The following PLA2R1 variants were observed in gnomAD, a reference collection of about 807,000 sequenced individuals.
PLA2R1 encodes secretory phospholipase A2 receptor.
A neutral mutation model predicts 195.9 loss-of-function variants in PLA2R1; 158 were observed. That is an observed-to-expected ratio of 0.81 (90% CI 0.71 to 0.92). The LOEUF (loss-of-function observed/expected upper bound fraction) is 0.92. Ranked by LOEUF, PLA2R1 falls within the 40% of genes least tolerant of loss-of-function variation. The probability of loss-of-function intolerance (pLI) is 0.00; values close to 1 mark genes in which losing one functional copy is unlikely to be tolerated. For missense variants in PLA2R1, 1,626 were observed against 1,764.6 expected, an observed-to-expected ratio of 0.92 and a Z score of 1.41; for synonymous variants, 586 against 598.2, an observed-to-expected ratio of 0.98 and a Z score of 0.30.
rs531798955 is a variant in PLA2R1 at position 159,987,311 on chromosome 2, G to A, written c.1882C>T (p.Arg628Cys). 272 of 1,612,330 alleles carry A rather than the reference G, an allele frequency of 1.7e-4. No individual in the cohort carries two copies. The highest frequency in any genetic ancestry group is 2.2e-4 in the Non-Finnish European group (255 of 1,179,856). Residue 628 changes from arginine (R) to cysteine (C), a missense_variant, in exon 12 of 30, where the codon CGC becomes TGC. Coordinates refer to ENST00000283243, the MANE Select transcript of PLA2R1 (RefSeq NM_007366.5). ...TGCCGACAGTGCTTCACTTCCCAGC[G>A]ACCAAGTGGATGCCTTCCTCGCATG... Reference protein sequence around the residue: ...VAMRGRHPLGRWEVKHCRHFK... With the variant: ...VAMRGRHPLGCWEVKHCRHFK...
chr2:159,990,253 AG>A (rs1690671621), intron 11 of PLA2R1, among the ~76,000 whole-genome samples: 1 of 152,214 alleles, frequency 6.6e-6, no homozygotes, highest in African/African-American at 2.4e-5. Flanking sequence ...CCACTGGAGA[AG>A]AAAAATGATT....
intron 20 of PLA2R1, among the ~76,000 whole-genome samples, chr2:159,964,304 G>C (rs976617185): frequency 6.6e-6 from 1 of 152,186 alleles, no homozygotes; most frequent in African/African-American, 2.4e-5. Flanking sequence ...TTTGGAAATA[G>C]AGATGATGGT....
chr2:159,925,137 T>C, the PLA2R1 span, among the ~76,000 whole-genome samples: 15 of 152,270 alleles, frequency 9.9e-5, no homozygotes, highest in Admixed American at 2.0e-4. Flanking sequence ...TCCTCTCACC[T>C]GTATACCTGT....
rs567273374 is a variant in PLA2R1, at chr2:160,004,244, C to T, written c.1834+1408G>A. On this transcript the variant is annotated intron_variant, in intron 11 of 29. Transcript: ENST00000283243. ...GTAAAAATACCTGCTGTTAATTGCT[C>T]TGGGACACCAGACATAAATTAGAAC... 4.8e-4 allele frequency among the ~76,000 whole-genome samples: 73 copies of T among 152,344 alleles called. 4 individuals are homozygous for T. In the South Asian group the frequency reaches 0.015, roughly 31 times the overall value.
chr2:159,929,329 G>A (rs1412560386), downstream of PLA2R1, among the ~76,000 whole-genome samples: 1 of 152,020 alleles, frequency 6.6e-6, no homozygotes, highest in Non-Finnish European at 1.5e-5. Flanking sequence ...CCACCAAAAA[G>A]TGGACTAAGG....
rs1223840025 is a variant in PLA2R1 at position 159,938,901 on chromosome 2, G to T, written c.*2877C>A. On this transcript the variant is annotated 3_prime_UTR_variant, in exon 30 of 30. Coordinates refer to ENST00000283243, the MANE Select transcript of PLA2R1 (RefSeq NM_007366.5). ...ATATTTAACCCGAAAGAAGACTGTTGTAACTGTAAGAGCCCAATATATTGT... is the reference window on the plus strand; with the variant it reads ...ATATTTAACCCGAAAGAAGACTGTTTTAACTGTAAGAGCCCAATATATTGT... The T allele has an allele frequency of 3.3e-5, 5 of 152,122 alleles. No homozygotes were observed. Among genetic ancestry groups the T allele is most frequent in the Non-Finnish European group, 5.9e-5 (4 of 68,032 alleles). The allele number at this position is 152,122 out of a possible 1,614,324, so 9.4% of individuals were successfully genotyped here.
chr2:159,960,669 G>T (rs1453887426), intron 20 of PLA2R1, among the ~76,000 whole-genome samples: 2 of 152,222 alleles, frequency 1.3e-5, no homozygotes, highest in East Asian at 3.9e-4. Flanking sequence ...AGATCTGCTG[G>T]GACAAGTATC....
chr2:160,020,127 C>T lies in PLA2R1; in HGVS notation c.1431G>A (p.Leu477=), dbSNP rs1171008667. The T allele has an allele frequency of 6.2e-7, 1 of 1,613,624 alleles. No homozygotes were observed. The highest frequency in any genetic ancestry group is 8.5e-7 in the Non-Finnish European group (1 of 1,179,810). Residue 477 remains leucine (L), a synonymous_variant, in exon 8 of 30, where the codon CTG becomes CTA. Transcript: ENST00000283243. ...EPHIFPNRSQ[L]CVSAEQSEGH... Reference sequence around the variant, plus strand: ...TTACAGACTGCTCTGCTGAGACACACAGCTGGCTTCTATTTGGAAAAATGT... The same window carrying T: ...TTACAGACTGCTCTGCTGAGACACATAGCTGGCTTCTATTTGGAAAAATGT...
At chr2:159,928,016 G>C (rs1305707157), downstream of PLA2R1, among the ~76,000 whole-genome samples, 1 of 152,192 alleles carries the variant, frequency 6.6e-6, no homozygotes, top group African/African-American at 2.4e-5. Flanking sequence ...GGTAGAAGTG[G>C]CCTAGTTGTC....
At chr2:160,009,944 TAAA>T (rs1232527253) in intron 10 of PLA2R1, among the ~76,000 whole-genome samples, 1 of 151,758 alleles carries the variant, frequency 6.6e-6, no homozygotes, top group Admixed American at 6.6e-5. Flanking sequence ...CCTGTCTCTG[TAAA>T]AAATTTTAAA....
intron 1 of PLA2R1, among the ~76,000 whole-genome samples, chr2:160,057,008 T>A (rs1264008580): frequency 6.6e-6 from 1 of 152,132 alleles, no homozygotes; most frequent in African/African-American, 2.4e-5. Context: ...GCAGCATCCA[T>A]CCCTGTGTCC....
At chr2:160,048,302 C>T (rs1573972930) in intron 1 of PLA2R1, among the ~76,000 whole-genome samples, 2 of 152,354 alleles carry the variant, frequency 1.3e-5, no homozygotes, top group African/African-American at 2.4e-5. Flanking sequence ...TATATTTCCA[C>T]ACCAGCTGCC....
Position 160,062,464 on chromosome 2 carries a change from AG to A in PLA2R1, c.-62del. Reference sequence around the variant, plus strand: ...CGGGAGCCCCTTATCCCGGGAGCCCAGAGCCGCGTCCCAAGCACCCGGCCCC... The same window carrying A: ...CGGGAGCCCCTTATCCCGGGAGCCCAAGCCGCGTCCCAAGCACCCGGCCCC... On this transcript the variant is annotated 5_prime_UTR_variant, in exon 1 of 30. Coordinates refer to ENST00000283243, the MANE Select transcript of PLA2R1 (RefSeq NM_007366.5). The A allele has an allele frequency of 6.8e-7, 1 of 1,468,390 alleles. No homozygotes were observed. The highest frequency in any genetic ancestry group is 9.0e-7 in the Non-Finnish European group (1 of 1,112,944). The allele number at this position is 1,468,390 out of a possible 1,614,324, so 91.0% of individuals were successfully genotyped here. A position where few individuals can be genotyped will look rare whatever the true frequency, so the allele number is the denominator to read the frequency against.
intron 1 of PLA2R1, among the ~76,000 whole-genome samples, chr2:160,046,585 G>C (rs1472958210): frequency 6.6e-6 from 1 of 152,126 alleles, no homozygotes; most frequent in Admixed American, 6.5e-5. Context: ...TTAAGATACT[G>C]TTTCAAAAAG....
intron 13 of PLA2R1, among the ~76,000 whole-genome samples, chr2:159,982,530 A>G (rs1690025954): frequency 6.6e-6 from 1 of 152,246 alleles, no homozygotes; most frequent in South Asian, 2.1e-4. Context: ...GCTAATGTAC[A>G]TGGCAAATCT....
At position 160,062,428 on chromosome 2, in the gene PLA2R1, G is replaced by T. The variant is rs775603497; in HGVS notation, c.-25C>A. 23 of 1,528,068 alleles carry T rather than the reference G, an allele frequency of 1.5e-5. No individual in the cohort carries two copies. The East Asian group carries it at 5.8e-4, about 39-fold the overall frequency. 94.7% of individuals were successfully genotyped at this position (1,528,068 alleles called of 1,614,324 possible). A position where few individuals can be genotyped will look rare whatever the true frequency, so the allele number is the denominator to read the frequency against. On this transcript the variant is annotated 5_prime_UTR_variant, in exon 1 of 30. Transcript: ENST00000283243. Reference sequence around the variant, plus strand: ...TCGCTAACCACTGGGCTCTCCGGGAGCCCCTTGTCCCGGGAGCCCCTTATC... The same window carrying T: ...TCGCTAACCACTGGGCTCTCCGGGATCCCCTTGTCCCGGGAGCCCCTTATC...
intron 19 of PLA2R1, among the ~76,000 whole-genome samples, chr2:159,968,924 T>G (rs1287771915): frequency 1.3e-5 from 2 of 152,220 alleles, no homozygotes; most frequent in Non-Finnish European, 2.9e-5. Flanking sequence ...AGGAATAGAT[T>G]TTTTTAAAAA....
In PLA2R1 at chr2:159,932,435, C is replaced by T. The variant is rs1686628242; in HGVS notation, c.*9343G>A. Reference sequence around the variant, plus strand: ...TTTGTCCTCAGCCTCCACAGAACCACATTTTGGGCTAAGAACTCCAAAGCC... The same window carrying T: ...TTTGTCCTCAGCCTCCACAGAACCATATTTTGGGCTAAGAACTCCAAAGCC... On this transcript the variant is annotated 3_prime_UTR_variant, in exon 30 of 30. Transcript: ENST00000283243. The T allele has an allele frequency of 6.6e-6, 1 of 152,278 alleles. No homozygotes were observed. The highest frequency in any genetic ancestry group is 2.1e-4 in the South Asian group (1 of 4,834). The allele number at this position is 152,278 out of a possible 1,614,324, so 9.4% of individuals were successfully genotyped here.
At chr2:160,021,196 C>T (rs1467303114) in intron 7 of PLA2R1, among the ~76,000 whole-genome samples, 1 of 151,956 alleles carries the variant, frequency 6.6e-6, no homozygotes, top group Admixed American at 6.6e-5. Context: ...ATTAGTACAA[C>T]ATTTATGGAA....
Sources: gnomAD v4.1 joint callset for allele counts (sites outside exome capture counted in the v4.1 genomes callset) on GRCh38, gnomAD v4.1.1 for gene constraint, MANE v1.5 for transcripts, NCBI Gene and HGNC (gene_info 2026-07-23, HGNC 2026-07-21) for gene names.